Variants in MACROD2 observed in about 807,000 individuals in gnomAD.
MACROD2 encodes the protein ADP-ribose glycohydrolase MACROD2.
A neutral mutation model predicts 70.4 loss-of-function variants in MACROD2; 36 were observed. That is an observed-to-expected ratio of 0.51 (90% CI 0.39 to 0.68). The LOEUF (loss-of-function observed/expected upper bound fraction) is 0.68, where lower values mean the gene tolerates loss of function less well. Ranked by LOEUF, MACROD2 falls within the 30% of genes least tolerant of loss-of-function variation. MACROD2 has a pLI of 0.00. For missense variants in MACROD2, 496 were observed against 538.4 expected (o/e 0.92, Z 0.78); for synonymous variants, 172 against 178.8 (o/e 0.96, Z 0.30).
intron 8 of MACROD2, among the ~76,000 whole-genome samples, chr20:15,550,633 A>G (rs1030221767): frequency 6.6e-6 from 1 of 152,220 alleles, no homozygotes; most frequent in Non-Finnish European, 1.5e-5. Flanking sequence ...CAGTTCCCCA[A>G]CCAGTTTTCA....
At chr20:15,699,187 G>C (rs2050419256) in intron 8 of MACROD2, among the ~76,000 whole-genome samples, 1 of 152,118 alleles carries the variant, frequency 6.6e-6, no homozygotes, top group African/African-American at 2.4e-5. Flanking sequence ...TTGGTTTTCT[G>C]GTTCCTTCTC....
At chr20:15,675,547 C>T (rs16996363) in intron 8 of MACROD2, among the ~76,000 whole-genome samples, 4 of 151,988 alleles carry the variant, frequency 2.6e-5, no homozygotes, top group African/African-American at 7.2e-5. Flanking sequence ...AACAGTTTAG[C>T]GCTGGCAACC....
intron 2 of MACROD2, among the ~76,000 whole-genome samples, chr20:14,027,041 AC>A (rs1349278506): frequency 6.6e-6 from 1 of 152,166 alleles, no homozygotes; most frequent in Non-Finnish European, 1.5e-5. Flanking sequence ...GACACCTCAT[AC>A]AGGAGAGTCC....
At chr20:14,394,791 C>A (rs1046863048) in intron 3 of MACROD2, among the ~76,000 whole-genome samples, 2 of 152,084 alleles carry the variant, frequency 1.3e-5, no homozygotes, top group Non-Finnish European at 2.9e-5. Flanking sequence ...TTTATATTTT[C>A]CTTAATCAGG....
chr20:14,718,292 C>CAAAAAAAAAAAAAAAA lies in MACROD2; in HGVS notation c.418+33344_418+33359dup, dbSNP rs11358439. ...TGGGCGACAGAGAGAGACTCTGTCTCAAAAAAAAAAAAAAAAAAAAAAAAA... is the reference window on the plus strand; with the variant it reads ...TGGGCGACAGAGAGAGACTCTGTCTCAAAAAAAAAAAAAAAAAAAAAAAAAAAAAAAAAAAAAAAAA... On this transcript the variant is annotated intron_variant, in intron 5 of 17. Transcript: ENST00000684519. Among the ~76,000 whole-genome samples the CAAAAAAAAAAAAAAAA allele has an allele frequency of 4.0e-4, 22 of 54,648 alleles. 1 individual carries two copies. Among genetic ancestry groups the CAAAAAAAAAAAAAAAA allele is most frequent in the Admixed American group, 1.0e-3 (3 of 2,946 alleles). The allele number at this position is 54,648 out of a possible 152,430, so 35.9% of individuals were successfully genotyped here. A position where few individuals can be genotyped will look rare whatever the true frequency, so the allele number is the denominator to read the frequency against.
intron 5 of MACROD2, among the ~76,000 whole-genome samples, chr20:15,088,336 A>G (rs1317596192): frequency 6.8e-6 from 1 of 147,820 alleles, no homozygotes; most frequent in African/African-American, 2.5e-5. Flanking sequence ...GTCCAAAGCA[A>G]TGAAATAGAT....
chr20:15,217,284 A>T (rs1211096883), intron 5 of MACROD2, among the ~76,000 whole-genome samples: 2 of 152,198 alleles, frequency 1.3e-5, no homozygotes, highest in Non-Finnish European at 2.9e-5. Context: ...AGTACTAGTG[A>T]TAAGTAGTAC....
At chr20:15,429,633 A>G (rs2046340607) in intron 6 of MACROD2, among the ~76,000 whole-genome samples, 1 of 152,116 alleles carries the variant, frequency 6.6e-6, no homozygotes, top group Non-Finnish European at 1.5e-5. Flanking sequence ...TATAAACAAA[A>G]AGGACTTAGA....
chr20:15,707,041 G>T (rs766377450), intron 8 of MACROD2, among the ~76,000 whole-genome samples: 5 of 152,174 alleles, frequency 3.3e-5, no homozygotes, highest in African/African-American at 9.7e-5. Flanking sequence ...CAGATAAAAA[G>T]TCATGGTTCT....
intron 4 of MACROD2, among the ~76,000 whole-genome samples, chr20:14,582,629 G>A (rs752362384): frequency 3.9e-5 from 6 of 152,092 alleles, no homozygotes; most frequent in Non-Finnish European, 5.9e-5. Context: ...GATACACTTG[G>A]TGTAGTGGAA....
intron 7 of MACROD2, among the ~76,000 whole-genome samples, chr20:15,498,223 C>A (rs1410092579): frequency 6.6e-6 from 1 of 152,156 alleles, no homozygotes; most frequent in African/African-American, 2.4e-5. Flanking sequence ...AGGAAAGCAA[C>A]ACATATTCTT....
intron 5 of MACROD2, among the ~76,000 whole-genome samples, chr20:15,209,114 G>GATATTTAT (rs2076738207): frequency 9.6e-6 from 1 of 103,704 alleles, no homozygotes; most frequent in Non-Finnish European, 2.2e-5. Flanking sequence ...TGGTGGTGGT[G>GATATTTAT]GTATTTATTT....
chr20:14,994,246 T>TA (rs915724474), intron 5 of MACROD2, among the ~76,000 whole-genome samples: 6 of 150,210 alleles, frequency 4.0e-5, no homozygotes, highest in South Asian at 2.1e-4. Context: ...CTTCATTGAA[T>TA]AAAAAAAAAG....
intron 7 of MACROD2, among the ~76,000 whole-genome samples, chr20:15,473,598 T>C (rs1169246901): frequency 6.6e-6 from 1 of 152,228 alleles, no homozygotes; most frequent in African/African-American, 2.4e-5. Context: ...GGTCCCATTT[T>C]CTGAGCTGAG....
At chr20:15,494,779 G>A (rs1040807776) in intron 7 of MACROD2, among the ~76,000 whole-genome samples, 12 of 150,284 alleles carry the variant, frequency 8.0e-5, no homozygotes, top group Admixed American at 4.0e-4. Context: ...GTGTGTGTGC[G>A]CGCGTGTGTG....
chr20:15,169,771 C>CT (rs57221081), intron 5 of MACROD2, among the ~76,000 whole-genome samples: 64 of 148,904 alleles, frequency 4.3e-4, no homozygotes, highest in African/African-American at 9.1e-4. Flanking sequence ...GACCTGAAAG[C>CT]TTTTTTTTTT....
intron 4 of MACROD2, among the ~76,000 whole-genome samples, chr20:14,531,315 AACACAGGGAT>A (rs535480866): frequency 1.5e-3 from 235 of 152,298 alleles, no homozygotes; most frequent in African/African-American, 5.3e-3. Flanking sequence ...GTACATTTGA[AACACAGGGAT>A]ACACAGGGAA....
intron 5 of MACROD2, among the ~76,000 whole-genome samples, chr20:15,172,169 G>GT (rs1476865255): frequency 1.3e-5 from 2 of 152,126 alleles, no homozygotes; most frequent in African/African-American, 2.4e-5. Flanking sequence ...TTCTGTCATA[G>GT]TTACCAGGGA....
chr20:15,486,707 A>G (rs1444539797), intron 7 of MACROD2, among the ~76,000 whole-genome samples: 1 of 152,230 alleles, frequency 6.6e-6, no homozygotes, highest in Non-Finnish European at 1.5e-5. Context: ...ACAGATAGTC[A>G]GTAATTGAAG....
Sources: allele counts gnomAD v4.1 joint callset (sites outside exome capture counted in the v4.1 genomes callset), GRCh38; gene constraint gnomAD v4.1.1; transcripts MANE v1.5; gene names NCBI Gene and HGNC (gene_info 2026-07-23, HGNC 2026-07-21).